Variants in DNAH7 observed in about 807,000 individuals in gnomAD.
The protein encoded by DNAH7 is dynein axonemal heavy chain 7, also known as axonemal beta dynein heavy chain 7.
Under a neutral mutation model 444.6 loss-of-function variants are expected in DNAH7, and 397 were observed. The ratio of observed to expected loss-of-function variants is 0.89; its 90% CI spans 0.82 to 0.97. The LOEUF (loss-of-function observed/expected upper bound fraction) is 0.97, where lower values mean the gene tolerates loss of function less well. DNAH7 is among the 50% of genes least tolerant of loss of function. The pLI is 0.00. For synonymous variants in DNAH7, 1,636 were observed against 1,624.4 expected (o/e 1.01, Z -0.17); for missense variants, 4,902 against 4,800.8 (o/e 1.02, Z -0.62).
intron 17 of DNAH7, among the ~76,000 whole-genome samples, chr2:195,964,588 C>T (rs1407700136): frequency 7.5e-5 from 11 of 145,760 alleles, no homozygotes; most frequent in South Asian, 2.2e-4. Flanking sequence ...TCATATTGGC[C>T]GGGCACGGTG....
rs545726167 is a variant in DNAH7 at position 195,744,039 on chromosome 2, G to A, written c.11765-3170C>T. 3.6e-4 allele frequency among the ~76,000 whole-genome samples: 55 copies of A among 152,316 alleles called. 1 individual carries two copies. Among genetic ancestry groups the A allele is most frequent in the African/African-American group, 1.1e-3 (45 of 41,574 alleles). ...GGACAGTGGGTGCAGCGCACCATGC[G>A]CCACCCGAAGCAGGGCAAGGCATTG... On this transcript the variant is annotated intron_variant, in intron 63 of 64. Coordinates refer to ENST00000312428, the MANE Select transcript of DNAH7 (RefSeq NM_018897.3).
chr2:195,809,569 A>G (rs1696866072), intron 52 of DNAH7, among the ~76,000 whole-genome samples, 176 bp downstream of exon 52: 1 of 152,194 alleles, frequency 6.6e-6, no homozygotes, highest in Admixed American at 6.5e-5. Flanking sequence ...TGCTTAATTT[A>G]TATCTCACTT....
chr2:195,979,626 GAAAT>G (rs1692430488), intron 15 of DNAH7, among the ~76,000 whole-genome samples: 1 of 151,816 alleles, frequency 6.6e-6, no homozygotes, highest in South Asian at 2.1e-4. Context: ...CATCAGAGCA[GAAAT>G]AAATGAAATT....
chr2:195,746,671 T>G (rs886786015), intron 63 of DNAH7, among the ~76,000 whole-genome samples: 1 of 152,008 alleles, frequency 6.6e-6, no homozygotes, highest in South Asian at 2.1e-4. Flanking sequence ...GCAATCAAAC[T>G]AGAACTCAGG....
chr2:195,741,938 GTTAAAT>G (rs1693061941), intron 63 of DNAH7, among the ~76,000 whole-genome samples: 1 of 152,270 alleles, frequency 6.6e-6, no homozygotes, highest in Admixed American at 6.5e-5. Context: ...TTTAATTATA[GTTAAAT>G]TTAAATGGCC....
At chr2:195,882,918 G>T (rs993378828) in intron 35 of DNAH7, among the ~76,000 whole-genome samples, 2 of 152,108 alleles carry the variant, frequency 1.3e-5, no homozygotes, top group African/African-American at 2.4e-5. Flanking sequence ...ATCTGAAGAG[G>T]TTATGAACTC....
At chr2:195,999,028 A>G (rs1693877133) in intron 12 of DNAH7, 3 of 697,056 alleles carry the variant, frequency 4.3e-6, no homozygotes, top group Non-Finnish European at 8.0e-6. Context: ...AGTTTCCGGC[A>G]AGGTGGATGC....
Position 196,047,496 on chromosome 2 carries a change from T to C in DNAH7, c.254A>G (p.Glu85Gly), listed in dbSNP as rs1697209627. The C allele has an allele frequency of 4.5e-6, 7 of 1,569,052 alleles. No homozygotes were observed. The highest frequency in any genetic ancestry group is 1.4e-5 in the African/African-American group (1 of 73,334). The change falls in exon 5 of 65, where the codon GAA becomes GGA. Residue 85 changes from glutamate (E) to glycine (G), a missense_variant. Glu to Gly is a moderately conservative substitution (Grantham distance 98, BLOSUM62 -2). Coordinates refer to ENST00000312428, the MANE Select transcript of DNAH7 (RefSeq NM_018897.3). Reference protein sequence around the residue: ...FSVKNEQSHAEYMERFGKKGK... With the variant: ...FSVKNEQSHAGYMERFGKKGK... ...CTTTTTTCCAAAACGTTCCATGTAT[T>C]CAGCTTAAATTAAAACAAAAAAAAA...
Position 195,771,742 on chromosome 2 carries a change from A to T in DNAH7, c.11351T>A (p.Val3784Glu). The T allele has an allele frequency of 6.2e-7, 1 of 1,614,138 alleles. No homozygotes were observed. The highest frequency in any genetic ancestry group is 8.5e-7 in the Non-Finnish European group (1 of 1,180,014). Residue 3784 changes from valine (V) to glutamate (E), a missense_variant, in exon 61 of 65, where the codon GTA becomes GAA. Val to Glu is a moderately radical substitution (Grantham distance 121). Coordinates refer to ENST00000312428, the MANE Select transcript of DNAH7 (RefSeq NM_018897.3). Reference protein sequence around the residue: ...PTTYTQSMNTVLVQEMGRFNK... With the variant: ...PTTYTQSMNTELVQEMGRFNK... ...GAACCGTCCCATCTCTTGGACAAGT[A>T]CAGTGTTCATGCTCTGAGTATAAGT... is the stretch of plus-strand genomic sequence containing the variant.
At chr2:195,750,952 C>G (rs947662053) in intron 63 of DNAH7, among the ~76,000 whole-genome samples, 1 of 152,078 alleles carries the variant, frequency 6.6e-6, no homozygotes, top group Non-Finnish European at 1.5e-5. Flanking sequence ...TTTATGAGGG[C>G]AGGGGCTCAA....
chr2:195,780,763 T>G (rs141797744), intron 58 of DNAH7, among the ~76,000 whole-genome samples: 14 of 151,860 alleles, frequency 9.2e-5, no homozygotes, highest in African/African-American at 3.4e-4. Flanking sequence ...AATATATATA[T>G]ATATCTCAAA....
In DNAH7 at chr2:195,857,614, G is replaced by C; in HGVS notation, c.8177C>G (p.Thr2726Arg). Residue 2726 changes from threonine to arginine, a missense_variant, in exon 44 of 65, where the codon ACA becomes AGA. Coordinates refer to ENST00000312428, the MANE Select transcript of DNAH7 (RefSeq NM_018897.3). ...ATCCTCAATTTTTTTCCCTGAACCT[G>C]TTGGGTCAGGGATTTTGTCAGCTTT... Reference protein sequence around the residue: ...GIKADKIPDPTGSGKKIEDFW... With the variant: ...GIKADKIPDPRGSGKKIEDFW... 1 of 1,613,864 alleles carries C rather than the reference G, an allele frequency of 6.2e-7. No homozygotes were observed. The highest frequency in any genetic ancestry group is 2.2e-5 in the East Asian group (1 of 44,870).
At chr2:195,767,318 T>C (rs1694633959) in intron 61 of DNAH7, among the ~76,000 whole-genome samples, 1 of 152,098 alleles carries the variant, frequency 6.6e-6, no homozygotes, top group Non-Finnish European at 1.5e-5. Context: ...CCTTTTAATT[T>C]ATTGAGACTT....
At chr2:195,741,137 AGTGT>A (rs375220368) in intron 63 of DNAH7, 1 of 180,780 alleles carries the variant, frequency 5.5e-6, no homozygotes, top group East Asian at 1.3e-4. Flanking sequence ...GGAAGTTCTC[AGTGT>A]GTGTGTGTGA....
At chr2:195,879,309 A>G (rs1338315933) in intron 36 of DNAH7, among the ~76,000 whole-genome samples, 1 of 152,178 alleles carries the variant, frequency 6.6e-6, no homozygotes, top group African/African-American at 2.4e-5. Flanking sequence ...ATGAAAACAA[A>G]AAGAAAGCAA....
intron 63 of DNAH7, among the ~76,000 whole-genome samples, chr2:195,747,087 T>C (rs1471926223): frequency 2.0e-5 from 3 of 151,890 alleles, no homozygotes; most frequent in Middle Eastern, 3.4e-3. Context: ...ATCAACAAAA[T>C]TGATAGACCG....
chr2:196,068,489 A>G (rs1698555394), intron 1 of DNAH7: 2 of 660,926 alleles, frequency 3.0e-6, no homozygotes, highest in South Asian at 2.4e-5. Flanking sequence ...GGTTGTTATG[A>G]CGACCAAGGG....
rs535044028 is a variant in DNAH7, at chr2:195,847,707, T to C, written c.8782-2542A>G. ...AAAGTAGTTGGGACCACCACATTTT[T>C]CCAAGTATTTTCTTTATGTTACAAA... On this transcript the variant is annotated intron_variant, in intron 46 of 64. Coordinates refer to ENST00000312428, the MANE Select transcript of DNAH7 (RefSeq NM_018897.3). Among the ~76,000 whole-genome samples the C allele has an allele frequency of 9.0e-4, 137 of 152,234 alleles. No individual in the cohort carries two copies. In the Middle Eastern group the frequency reaches 0.017, roughly 19 times the overall value.
chr2:195,912,982 T>C (rs1687451133), intron 24 of DNAH7, among the ~76,000 whole-genome samples: 1 of 152,176 alleles, frequency 6.6e-6, no homozygotes, highest in South Asian at 2.1e-4. Flanking sequence ...GGACTTTTAT[T>C]ATTTTAAAAA....
Sources: allele counts gnomAD v4.1 joint callset (sites outside exome capture counted in the v4.1 genomes callset), GRCh38; gene constraint gnomAD v4.1.1; transcripts MANE v1.5; gene names NCBI Gene and HGNC (gene_info 2026-07-23, HGNC 2026-07-21).